CSNK2A1: variants seen among roughly 807,000 people sequenced by gnomAD.
CSNK2A1 encodes casein kinase II subunit alpha.
CSNK2A1 carries 10 observed loss-of-function variants against 62.9 expected under a neutral mutation model. That is an observed-to-expected ratio of 0.16 (90% CI 0.10 to 0.27). The LOEUF is 0.27. CSNK2A1 is among the 10% of genes least tolerant of loss of function. CSNK2A1 has a pLI of 1.00. For synonymous variants in CSNK2A1, 124 were observed against 167.8 expected (o/e 0.74, Z 2.02); for missense variants, 160 against 492.0 (o/e 0.33, Z 6.38).
intron 1 of CSNK2A1, among the ~76,000 whole-genome samples, chr20:541,454 A>C (rs1404073663): frequency 1.3e-5 from 2 of 152,216 alleles, no homozygotes; most frequent in Non-Finnish European, 2.9e-5. Flanking sequence ...GTGTGAAGTA[A>C]AGATGTATAT....
At chr20:536,768 C>G (rs1052214851) in intron 1 of CSNK2A1, among the ~76,000 whole-genome samples, 1 of 152,136 alleles carries the variant, frequency 6.6e-6, no homozygotes, top group Non-Finnish European at 1.5e-5. Flanking sequence ...GTATGATATG[C>G]CTGTTATCAG....
At chr20:536,902 T>A (rs1034193094) in intron 1 of CSNK2A1, among the ~76,000 whole-genome samples, 13 of 152,284 alleles carry the variant, frequency 8.5e-5, no homozygotes, top group Admixed American at 8.5e-4. Flanking sequence ...TGAGTGGTTA[T>A]GAATTCAATA....
At chr20:495,657 T>C in intron 8 of CSNK2A1, 62 bp downstream of exon 8, 1 of 1,426,344 alleles carries the variant, frequency 7.0e-7, no homozygotes. Context: ...GGATAAAGTG[T>C]TGAAGATGGG....
intron 4 of CSNK2A1, 180 bp from the exon 5 acceptor site, chr20:500,114 T>A (rs2018429754): frequency 1.8e-6 from 1 of 561,832 alleles, no homozygotes; most frequent in Admixed American, 3.1e-5. Context: ...ATTCTGCAGG[T>A]ACTTACAAAT....
At chr20:531,036 A>G (rs772494523) in intron 1 of CSNK2A1, among the ~76,000 whole-genome samples, 2 of 152,164 alleles carry the variant, frequency 1.3e-5, no homozygotes, top group Non-Finnish European at 2.9e-5. Context: ...GTGAGCTGAG[A>G]TCGCGCCATT....
chr20:485,646 C>T (rs1053118222), intron 13 of CSNK2A1, among the ~76,000 whole-genome samples: 1 of 152,118 alleles, frequency 6.6e-6, no homozygotes, highest in Non-Finnish European at 1.5e-5. Context: ...TTTGTTATTA[C>T]AAATAAGGCT....
At position 499,100 on chromosome 20, in the gene CSNK2A1, G is replaced by A. The variant is rs1002552172; in HGVS notation, c.366+155C>T. The A allele has an allele frequency of 4.2e-6, 2 of 476,788 alleles. No homozygotes were observed. Among genetic ancestry groups the A allele is most frequent in the Non-Finnish European group, 7.1e-6 (2 of 282,066 alleles). The allele number at this position is 476,788 out of a possible 1,614,324, so 29.5% of individuals were successfully genotyped here. On this transcript the variant is annotated intron_variant, in intron 6 of 13. Transcript: ENST00000217244. The surrounding 1 kb of genome is among the most constrained non-coding windows in gnomAD (Gnocchi z 4.2). ...TATCAAGATGCAGAAAGTGGGCACT[G>A]CTTATATAGGAGTTCTTCTATCTTA...
intron 2 of CSNK2A1, among the ~76,000 whole-genome samples, chr20:523,341 C>G (rs1177513473): frequency 4.6e-5 from 7 of 152,086 alleles, no homozygotes; most frequent in Non-Finnish European, 1.0e-4. Context: ...CCACAAAAGC[C>G]TATAATGTTA....
rs1210679187 is a variant in CSNK2A1, at chr20:499,741, G to T, written c.315+92C>A. The T allele has an allele frequency of 4.3e-6, 5 of 1,164,672 alleles. No homozygotes were observed. The highest frequency in any genetic ancestry group is 6.4e-6 in the Non-Finnish European group (5 of 779,096). 72.1% of individuals were successfully genotyped at this position (1,164,672 alleles called of 1,614,324 possible). A position where few individuals can be genotyped will look rare whatever the true frequency, so the allele number is the denominator to read the frequency against. On this transcript the variant is annotated intron_variant, in intron 5 of 13. Transcript: ENST00000217244. The surrounding 1 kb of genome is among the most constrained non-coding windows in gnomAD (Gnocchi z 4.2). ...TTTCAAAGCAGGACTTAATGATGAG[G>T]GTTGGGGGAGGGAACAAAAAGAGGC...
At chr20:491,513 A>G (rs1414631144) in intron 9 of CSNK2A1, among the ~76,000 whole-genome samples, 1 of 152,118 alleles carries the variant, frequency 6.6e-6, no homozygotes, top group Non-Finnish European at 1.5e-5. Context: ...CACACAAAAA[A>G]ATTAAAAATT....
chr20:497,850 T>C, intron 6 of CSNK2A1, 70 bp from the exon 7 acceptor site: 3 of 1,399,086 alleles, frequency 2.1e-6, no homozygotes, highest in Non-Finnish European at 3.0e-6. Flanking sequence ...TCACTCACAG[T>C]AATTCAAACC....
chr20:515,456 C>T (rs1381260734), intron 2 of CSNK2A1, among the ~76,000 whole-genome samples: 2 of 152,212 alleles, frequency 1.3e-5, no homozygotes, highest in African/African-American at 4.8e-5. Context: ...AACAACTCTA[C>T]GAGGCAAGCA....
At chr20:491,211 T>G (rs1357604834) in intron 9 of CSNK2A1, among the ~76,000 whole-genome samples, 1 of 152,176 alleles carries the variant, frequency 6.6e-6, no homozygotes, top group Non-Finnish European at 1.5e-5. Flanking sequence ...AAACTTCAGA[T>G]TTTTAAACAC....
chr20:492,711 C>T (rs2018260980), intron 8 of CSNK2A1: 1 of 205,276 alleles, frequency 4.9e-6, no homozygotes, highest in African/African-American at 2.3e-5. Context: ...TCATTGCCTT[C>T]AGCCCCCTGA....
In CSNK2A1 at chr20:499,632, T is replaced by C. The variant is rs1457374125; in HGVS notation, c.315+201A>G. The C allele has an allele frequency of 5.0e-6, 3 of 596,810 alleles. No homozygotes were observed. The highest frequency in any genetic ancestry group is 8.8e-6 in the Non-Finnish European group (3 of 339,700). 37.0% of individuals were successfully genotyped at this position (596,810 alleles called of 1,614,324 possible). A position where few individuals can be genotyped will look rare whatever the true frequency, so the allele number is the denominator to read the frequency against. ...TTCCAGTGCTATCAGTCTCTTAGCC[T>C]AGAAGAATAAGAAATAGTCTGTGGG... On this transcript the variant is annotated intron_variant, in intron 5 of 13. Transcript: ENST00000217244. The surrounding 1 kb of genome is among the most constrained non-coding windows in gnomAD (Gnocchi z 4.2).
chr20:490,110 C>T (rs1600372780), intron 9 of CSNK2A1, among the ~76,000 whole-genome samples: 1 of 150,906 alleles, frequency 6.6e-6, no homozygotes, highest in Admixed American at 6.6e-5. Context: ...TGGCTCACCA[C>T]AACCTCCGCC....
intron 1 of CSNK2A1, among the ~76,000 whole-genome samples, chr20:537,365 T>C (rs1023132666): frequency 6.6e-6 from 1 of 152,228 alleles, no homozygotes; most frequent in Non-Finnish European, 1.5e-5. Context: ...CGTAGGGTTT[T>C]TTAATGTCTA....
rs1401255356 is a variant in CSNK2A1, at chr20:543,767, A to C, written c.-322T>G. Reference sequence around the variant, plus strand: ...GGAGGAGACACACGGCTCGGCCGCCAGCCGCAGGGACCAGAGCGAGGCTGC... The same window carrying C: ...GGAGGAGACACACGGCTCGGCCGCCCGCCGCAGGGACCAGAGCGAGGCTGC... On this transcript the variant is annotated 5_prime_UTR_variant, in exon 1 of 14. Coordinates refer to ENST00000217244, the MANE Select transcript of CSNK2A1 (RefSeq NM_177559.3). 2 of 398,446 alleles carry C rather than the reference A, an allele frequency of 5.0e-6. No homozygotes were observed. Among genetic ancestry groups the C allele is most frequent in the East Asian group, 7.1e-5 (2 of 28,052 alleles). 24.7% of individuals were successfully genotyped at this position (398,446 alleles called of 1,614,324 possible).
chr20:505,363 T>G lies in CSNK2A1; in HGVS notation c.102-134A>C, dbSNP rs981725621. ...AATTCCCAAATAGGTTTTTTTTTTT[T>G]TTTTTTTTTTTTTGGAGATGGAGTC... On this transcript the variant is annotated intron_variant, in intron 3 of 13. Transcript: ENST00000217244. The G allele has an allele frequency of 5.6e-6, 4 of 709,962 alleles. No homozygotes were observed. The African/African-American group carries it at 6.0e-5, about 11-fold the overall frequency. 44.0% of individuals were successfully genotyped at this position (709,962 alleles called of 1,614,324 possible). A position where few individuals can be genotyped will look rare whatever the true frequency, so the allele number is the denominator to read the frequency against.
Sources: gnomAD v4.1 joint callset for allele counts (sites outside exome capture counted in the v4.1 genomes callset) on GRCh38, gnomAD v4.1.1 for gene constraint, Gnocchi (gnomAD v3.1) non-coding constraint, MANE v1.5 for transcripts, NCBI Gene and HGNC (gene_info 2026-07-23, HGNC 2026-07-21) for gene names.